The following TBC1D5 variants were observed in gnomAD, a reference collection of about 807,000 sequenced individuals.
TBC1D5 encodes TBC1 domain family member 5.
TBC1D5 carries 75 observed loss-of-function variants against 100.3 expected under a neutral mutation model. The ratio of observed to expected loss-of-function variants is 0.75; its 90% CI spans 0.62 to 0.91. The LOEUF (loss-of-function observed/expected upper bound fraction) is 0.91, where lower values mean the gene tolerates loss of function less well. Among genes scored for constraint, TBC1D5 ranks in the 40% least tolerant of loss-of-function variants. The pLI is 0.00. For missense variants in TBC1D5, 910 were observed against 942.4 expected (o/e 0.97, Z 0.45); for synonymous variants, 323 against 325.6 (o/e 0.99, Z 0.09).
rs1299512776 is a variant in TBC1D5 at position 17,329,815 on chromosome 3, A to C, written c.996-21681T>G. ...AACAATAACCATTTCAAAGATAAGA[A>C]CTAGTACTTTGGATTCTATCACCCC... On this transcript the variant is annotated intron_variant, in intron 13 of 21. Coordinates refer to ENST00000253692, the Ensembl canonical transcript of TBC1D5. Among the ~76,000 whole-genome samples, 3 of 152,164 alleles carry C rather than the reference A, an allele frequency of 2.0e-5. No individual in the cohort carries two copies. In the East Asian group the frequency reaches 5.8e-4, roughly 29 times the overall value.
chr3:17,313,327 T>C (rs546629381), intron 13 of TBC1D5, among the ~76,000 whole-genome samples: 1 of 152,292 alleles, frequency 6.6e-6, no homozygotes, highest in Non-Finnish European at 1.5e-5. Context: ...AGAGTTAACG[T>C]GCAGTTGTTG....
intron 1 of TBC1D5, among the ~76,000 whole-genome samples, chr3:17,674,145 T>C (rs1314219883): frequency 6.6e-6 from 1 of 152,182 alleles, no homozygotes; most frequent in Non-Finnish European, 1.5e-5. Flanking sequence ...ACATATCAAT[T>C]GAAACCGTAA....
At chr3:17,350,608 T>C (rs1165679637) in intron 13 of TBC1D5, among the ~76,000 whole-genome samples, 1 of 152,194 alleles carries the variant, frequency 6.6e-6, no homozygotes, top group African/African-American at 2.4e-5. Context: ...GTACTACCAG[T>C]CATTCGCGAC....
intron 13 of TBC1D5, among the ~76,000 whole-genome samples, chr3:17,328,116 A>C (rs932728936): frequency 6.6e-6 from 1 of 150,674 alleles, no homozygotes; most frequent in Admixed American, 6.6e-5. Flanking sequence ...CAAAAATTTT[A>C]AAAATTAGCC....
At position 17,169,708 on chromosome 3, in the gene TBC1D5, G is replaced by C. The variant is rs574841033; in HGVS notation, c.1853-1880C>G. Reference sequence around the variant, plus strand: ...AATAAAAAAAACAAAAAACAAAATAGAATTCATTCAACAAGACATTAACAG... The same window carrying C: ...AATAAAAAAAACAAAAAACAAAATACAATTCATTCAACAAGACATTAACAG... On this transcript the variant is annotated intron_variant, in intron 19 of 21. Transcript: ENST00000253692. 2.0e-5 allele frequency among the ~76,000 whole-genome samples: 3 copies of C among 152,200 alleles called. No homozygotes were observed. The East Asian group carries it at 5.8e-4, about 29-fold the overall frequency.
rs530371815 is a variant in TBC1D5 at position 17,379,855 on chromosome 3, A to G, written c.613-3242T>C. The stretch of plus-strand genomic sequence containing the variant: ...AACAATTATAACAATATAGTGTAAC[A>G]ATATTATGTGATTGTGGTTTCTCTC... On this transcript the variant is annotated intron_variant, in intron 9 of 21. Coordinates refer to ENST00000253692, the Ensembl canonical transcript of TBC1D5. Among the ~76,000 whole-genome samples the G allele has an allele frequency of 2.0e-5, 3 of 152,208 alleles. No individual in the cohort carries two copies. In the East Asian group the frequency reaches 5.8e-4, roughly 29 times the overall value.
At chr3:17,187,826 C>T (rs918230916) in intron 18 of TBC1D5, among the ~76,000 whole-genome samples, 4 of 152,196 alleles carry the variant, frequency 2.6e-5, no homozygotes, top group Admixed American at 1.3e-4. Context: ...GCTGACAGCC[C>T]AGAGTGGACC....
At chr3:17,178,199 G>T (rs2068028090) in intron 19 of TBC1D5, among the ~76,000 whole-genome samples, 1 of 151,748 alleles carries the variant, frequency 6.6e-6, no homozygotes, top group Non-Finnish European at 1.5e-5. Context: ...CTGAGTAGCT[G>T]GGACTACATG....
intron 2 of TBC1D5, among the ~76,000 whole-genome samples, chr3:17,585,752 T>C (rs1039226824): frequency 6.6e-6 from 1 of 152,164 alleles, no homozygotes; most frequent in Non-Finnish European, 1.5e-5. Flanking sequence ...ACAAATAATA[T>C]AATATAGCAT....
chr3:17,330,719 G>A (rs1386690907), intron 13 of TBC1D5, among the ~76,000 whole-genome samples: 3 of 152,074 alleles, frequency 2.0e-5, no homozygotes, highest in Non-Finnish European at 4.4e-5. Flanking sequence ...TATTCCCTGT[G>A]ATTTTCAGAC....
intron 15 of TBC1D5, among the ~76,000 whole-genome samples, chr3:17,269,965 T>C (rs2079224365): frequency 6.6e-6 from 1 of 152,184 alleles, no homozygotes; most frequent in Non-Finnish European, 1.5e-5. Context: ...TAAGCATGTA[T>C]GTATCTTTTA....
chr3:17,442,214 G>T (rs1272682505), intron 3 of TBC1D5, among the ~76,000 whole-genome samples: 1 of 152,180 alleles, frequency 6.6e-6, no homozygotes, highest in Non-Finnish European at 1.5e-5. Context: ...AGTGTGGAAA[G>T]AAATCTCTTT....
chr3:17,344,807 G>C (rs1426802198), intron 13 of TBC1D5, among the ~76,000 whole-genome samples: 1 of 152,132 alleles, frequency 6.6e-6, no homozygotes, highest in Non-Finnish European at 1.5e-5. Context: ...AGAAAAACAA[G>C]CAATGGAGAA....
rs532380835 is a variant in TBC1D5, at chr3:17,306,444, T to G, written c.1138+1548A>C. ...AATAACAAAATTAAAATAAGTTGGGTTAAATATTGAAATAAATAAATCACT... is the reference window on the plus strand; with the variant it reads ...AATAACAAAATTAAAATAAGTTGGGGTAAATATTGAAATAAATAAATCACT... On this transcript the variant is annotated intron_variant, in intron 14 of 21. Transcript: ENST00000253692. Among the ~76,000 whole-genome samples the G allele has an allele frequency of 2.0e-5, 3 of 152,318 alleles. No homozygotes were observed. The South Asian group carries it at 6.2e-4, about 32-fold the overall frequency.
At chr3:17,691,075 T>C (rs578183850) in intron 1 of TBC1D5, among the ~76,000 whole-genome samples, 2 of 152,186 alleles carry the variant, frequency 1.3e-5, no homozygotes, top group Admixed American at 6.5e-5. Flanking sequence ...CATTCTAACG[T>C]TGGTAAAACT....
intron 16 of TBC1D5, among the ~76,000 whole-genome samples, chr3:17,243,148 T>A (rs535149190): frequency 6.6e-6 from 1 of 152,196 alleles, no homozygotes; most frequent in African/African-American, 2.4e-5. Context: ...ACGGTCATAA[T>A]CTTCTGTTAA....
At chr3:17,707,104 C>T (rs752606487) in intron 1 of TBC1D5, among the ~76,000 whole-genome samples, 17 of 151,858 alleles carry the variant, frequency 1.1e-4, no homozygotes, top group African/African-American at 4.1e-4. Flanking sequence ...GTAATTTTCA[C>T]CTAACTTATT....
chr3:17,632,036 C>T (rs1046224444), intron 1 of TBC1D5, among the ~76,000 whole-genome samples: 14 of 152,112 alleles, frequency 9.2e-5, no homozygotes, highest in Non-Finnish European at 1.3e-4. Flanking sequence ...ATTATTCTAA[C>T]GAATCTGGGC....
At position 17,278,270 on chromosome 3, in the gene TBC1D5, C is replaced by T. The variant is rs116253875; in HGVS notation, c.1245+13625G>A. On this transcript the variant is annotated intron_variant, in intron 15 of 21. Transcript: ENST00000253692. ...GCCAGCCTCAAGATTCTCATCCTAG[C>T]TGAGCATCAGAATCACCCATGTCAG... Among the ~76,000 whole-genome samples the T allele has an allele frequency of 4.5e-3, 681 of 152,300 alleles. 1 individual carries two copies. Among genetic ancestry groups the T allele is most frequent in the African/African-American group, 0.016 (645 of 41,572 alleles).
Sources: allele counts gnomAD v4.1 joint callset (sites outside exome capture counted in the v4.1 genomes callset), GRCh38; gene constraint gnomAD v4.1.1; transcripts MANE v1.5; gene names NCBI Gene and HGNC (gene_info 2026-07-23, HGNC 2026-07-21).